The following TMEM120B variants were observed in gnomAD, a reference collection of about 807,000 sequenced individuals.
The protein encoded by TMEM120B is transmembrane protein 120B.
A neutral mutation model predicts 55.5 loss-of-function variants in TMEM120B; 31 were observed. The observed-to-expected ratio is 0.56, with a 90% CI of 0.42 to 0.75. TMEM120B has a LOEUF of 0.75. Among genes scored for constraint, TMEM120B ranks in the 30% least tolerant of loss-of-function variants. The probability of loss-of-function intolerance (pLI) is 0.00; values close to 1 mark genes in which losing one functional copy is unlikely to be tolerated. For synonymous variants in TMEM120B, 203 were observed against 176.3 expected (o/e 1.15, Z -1.20); for missense variants, 399 against 425.5 (o/e 0.94, Z 0.55).
intron 1 of TMEM120B, among the ~76,000 whole-genome samples, chr12:121,735,232 A>T (rs1231429351): frequency 6.6e-6 from 1 of 151,524 alleles, no homozygotes; most frequent in African/African-American, 2.4e-5. Context: ...AAAACCTCCC[A>T]ACTTAGTGAA....
intron 1 of TMEM120B, among the ~76,000 whole-genome samples, chr12:121,714,555 TTC>T (rs1273574160): frequency 3.1e-4 from 46 of 147,488 alleles, no homozygotes; most frequent in African/African-American, 1.1e-3. Flanking sequence ...CCTCAGCCAC[TTC>T]TTTTTTTTTT....
At chr12:121,763,671 G>C (rs1453844024) in intron 6 of TMEM120B, among the ~76,000 whole-genome samples, 1 of 152,042 alleles carries the variant, frequency 6.6e-6, no homozygotes, top group Admixed American at 6.5e-5. Context: ...TCAAACTCTT[G>C]ACCTCAAGTG....
At chr12:121,774,974 T>TGGGTGATGG in intron 10 of TMEM120B, 88 bp from the exon 11 acceptor site, 1 of 1,441,450 alleles carries the variant, frequency 6.9e-7, no homozygotes, top group Non-Finnish European at 9.7e-7. Flanking sequence ...TACCCAAAGT[T>TGGGTGATGG]GGGTGAGGGG....
At chr12:121,760,713 CT>C (rs1429365193) in intron 5 of TMEM120B, among the ~76,000 whole-genome samples, 1 of 152,174 alleles carries the variant, frequency 6.6e-6, no homozygotes, top group Non-Finnish European at 1.5e-5. Context: ...TTCCCTGGCA[CT>C]GGGTGTGGCC....
chr12:121,764,453 T>C (rs939871067), intron 6 of TMEM120B, among the ~76,000 whole-genome samples: 10 of 151,688 alleles, frequency 6.6e-5, no homozygotes, highest in Non-Finnish European at 1.5e-4. Flanking sequence ...CCCGGGAGGC[T>C]GAGGTTGTGG....
At chr12:121,756,605 A>AGGGAACCCCCCC (rs1873481954) in intron 5 of TMEM120B, among the ~76,000 whole-genome samples, 3 of 152,100 alleles carry the variant, frequency 2.0e-5, no homozygotes, top group Admixed American at 2.0e-4. Flanking sequence ...CATAAAAGGG[A>AGGGAACCCCCCC]GGGAACCCCC....
chr12:121,736,414 C>T (rs1331439506), intron 1 of TMEM120B, among the ~76,000 whole-genome samples: 2 of 151,550 alleles, frequency 1.3e-5, no homozygotes, highest in Non-Finnish European at 1.5e-5. Flanking sequence ...GTGATCCGCC[C>T]GCCTTGGCCT....
intron 1 of TMEM120B, 43 bp downstream of exon 1, chr12:121,713,007 T>C (rs749558109): frequency 6.9e-7 from 1 of 1,453,610 alleles, no homozygotes; most frequent in East Asian, 2.8e-5. Flanking sequence ...CTGCCCGCGG[T>C]GCAGCGCCTT....
At chr12:121,752,254 TG>T in intron 5 of TMEM120B, 31 bp downstream of exon 5, 1 of 1,592,976 alleles carries the variant, frequency 6.3e-7, no homozygotes, top group Admixed American at 1.7e-5. Flanking sequence ...TGCCTGGGCC[TG>T]GGCATGCAGA....
chr12:121,714,742 A>G (rs1246602038), intron 1 of TMEM120B, among the ~76,000 whole-genome samples: 1 of 150,398 alleles, frequency 6.6e-6, no homozygotes, highest in Non-Finnish European at 1.5e-5. Context: ...TTGTATTTTT[A>G]GTAGAGACAG....
At position 121,751,987 on chromosome 12, in the gene TMEM120B, C is replaced by T. The variant is rs1331325239; in HGVS notation, c.366-141C>T. The T allele has an allele frequency of 8.9e-6, 6 of 674,646 alleles. No individual in the cohort carries two copies. The East Asian group carries it at 1.6e-4, about 18-fold the overall frequency. 41.8% of individuals were successfully genotyped at this position (674,646 alleles called of 1,614,324 possible). Reference sequence around the variant, plus strand: ...CACCACTAACCCGTCAAGGCCAGGTCTTTCCTTTAGTGGAATGGGAAGGTC... The same window carrying T: ...CACCACTAACCCGTCAAGGCCAGGTTTTTCCTTTAGTGGAATGGGAAGGTC... On this transcript the variant is annotated intron_variant, in intron 4 of 11. Transcript: ENST00000449592.
Position 121,770,931 on chromosome 12 carries a change from C to T in TMEM120B, c.576C>T (p.His192=), listed in dbSNP as rs375249240. 20 of 1,613,980 alleles carry T rather than the reference C, an allele frequency of 1.2e-5. No homozygotes were observed. Among genetic ancestry groups the T allele is most frequent in the Non-Finnish European group, 1.6e-5 (19 of 1,180,014 alleles). ...GAATTAAAGGCTGGTGGGTGTCTCA[C>T]CACTACGTCTCCACATTCCTGTCCG... ...GSRIKGWWVS[H]HYVSTFLSGV... is the part of the protein sequence containing the mutation. Residue 192 remains histidine, a synonymous_variant, in exon 7 of 12, where the codon CAC becomes CAT. Transcript: ENST00000449592.
intron 9 of TMEM120B, among the ~76,000 whole-genome samples, chr12:121,774,235 C>T (rs1306450340): frequency 2.6e-5 from 4 of 152,154 alleles, no homozygotes; most frequent in Non-Finnish European, 5.9e-5. Flanking sequence ...GGATTATAGG[C>T]GTGGGCCACT....
intron 6 of TMEM120B, among the ~76,000 whole-genome samples, chr12:121,764,691 A>G (rs1873791796): frequency 6.6e-6 from 1 of 151,782 alleles, no homozygotes; most frequent in African/African-American, 2.4e-5. Context: ...TGATGCCTCT[A>G]GCAATCATTA....
chr12:121,772,125 T>C (rs113444627), intron 8 of TMEM120B, among the ~76,000 whole-genome samples: 120 of 117,330 alleles, frequency 1.0e-3, no homozygotes, highest in African/African-American at 4.6e-3. Context: ...CTCTCTCTCT[T>C]TCTCTCTTTC....
At chr12:121,729,588 G>C (rs945888626) in intron 1 of TMEM120B, among the ~76,000 whole-genome samples, 1 of 151,450 alleles carries the variant, frequency 6.6e-6, no homozygotes, top group African/African-American at 2.4e-5. Context: ...GGAGAATAGC[G>C]TCAGCCCAGG....
At chr12:121,736,603 GC>G (rs1895121680) in intron 1 of TMEM120B, among the ~76,000 whole-genome samples, 1 of 151,830 alleles carries the variant, frequency 6.6e-6, no homozygotes, top group South Asian at 2.1e-4. Context: ...AGGCTGGAGC[GC>G]AGTGGCACAC....
Position 121,743,673 on chromosome 12 carries a change from G to T in TMEM120B, c.114G>T (p.Ala38=). 1.2e-6 allele frequency: 2 copies of T among 1,613,592 alleles called. No individual in the cohort carries two copies. Among genetic ancestry groups the T allele is most frequent in the South Asian group, 1.1e-5 (1 of 91,058 alleles). The change falls in exon 2 of 12, where the codon GCG becomes GCT. Residue 38 remains alanine (A), a synonymous_variant. Transcript: ENST00000449592. ...AGCAGAAGCTGGAGGAGCTGGCTGC[G>T]CTGCAGACGCTGTGTAGCAGTTCCA... The part of the protein sequence containing the change: ...IYKQKLEELA[A]LQTLCSSSIS...
At chr12:121,764,832 G>C (rs536534351) in intron 6 of TMEM120B, among the ~76,000 whole-genome samples, 12 of 152,178 alleles carry the variant, frequency 7.9e-5, no homozygotes, top group Non-Finnish European at 1.8e-4. Context: ...GCAAAACAGA[G>C]AGGGCTGCTA....
Sources: gnomAD v4.1 joint callset for allele counts (sites outside exome capture counted in the v4.1 genomes callset) on GRCh38, gnomAD v4.1.1 for gene constraint, MANE v1.5 for transcripts, NCBI Gene and HGNC (gene_info 2026-07-23, HGNC 2026-07-21) for gene names.